CSNK2A2: variants seen among roughly 807,000 people sequenced by gnomAD.
The protein encoded by CSNK2A2 is casein kinase II subunit alpha'.
Under a neutral mutation model 54.0 loss-of-function variants are expected in CSNK2A2, and 8 were observed. The observed-to-expected ratio is 0.15, with a 90% CI of 0.09 to 0.27. The LOEUF (loss-of-function observed/expected upper bound fraction) is 0.27, where lower values mean the gene tolerates loss of function less well. Among genes scored for constraint, CSNK2A2 ranks in the 10% least tolerant of loss-of-function variants. The probability of loss-of-function intolerance (pLI) is 1.00; values close to 1 mark genes in which losing one functional copy is unlikely to be tolerated. For missense variants in CSNK2A2, 242 were observed against 439.4 expected, an observed-to-expected ratio of 0.55 and a Z score of 4.02; for synonymous variants, 141 against 153.9, an observed-to-expected ratio of 0.92 and a Z score of 0.62.
intron 4 of CSNK2A2, among the ~76,000 whole-genome samples, chr16:58,175,975 C>T (rs914005199): frequency 2.0e-5 from 3 of 152,286 alleles, no homozygotes; most frequent in African/African-American, 7.2e-5. Flanking sequence ...ATAACACACA[C>T]CCAAGCTTTT....
chr16:58,197,935 C>G lies in CSNK2A2; in HGVS notation c.-199G>C, dbSNP rs1284352616. Reference sequence around the variant, plus strand: ...GGGGGCGCGGGGGGCGCCGGCCGAGCCGGCCCGGCCCTGGAGCGGCCGGCG... The same window carrying G: ...GGGGGCGCGGGGGGCGCCGGCCGAGGCGGCCCGGCCCTGGAGCGGCCGGCG... On this transcript the variant is annotated 5_prime_UTR_variant, in exon 1 of 12. Transcript: ENST00000262506. The surrounding 1 kb of genome is among the most constrained non-coding windows in gnomAD (Gnocchi z 4.0). 7.1e-6 allele frequency: 1 copy of G among 140,376 alleles called. No homozygotes were observed. Among genetic ancestry groups the G allele is most frequent in the Admixed American group, 6.9e-5 (1 of 14,404 alleles). The allele number at this position is 140,376 out of a possible 1,614,324, so 8.7% of individuals were successfully genotyped here.
Position 58,167,187 on chromosome 16 carries a change from A to G in CSNK2A2, c.726+20T>C. Reference sequence around the variant, plus strand: ...GGCATTCACCCCCAAATAAATAAGAACCAGAAAGCATTTGCTCACCTGGTC... The same window carrying G: ...GGCATTCACCCCCAAATAAATAAGAGCCAGAAAGCATTTGCTCACCTGGTC... On this transcript the variant is annotated intron_variant, in intron 8 of 11. Coordinates refer to ENST00000262506, the MANE Select transcript of CSNK2A2 (RefSeq NM_001896.4). The G allele has an allele frequency of 6.3e-7, 1 of 1,581,520 alleles. No homozygotes were observed. The highest frequency in any genetic ancestry group is 1.1e-5 in the South Asian group (1 of 87,536).
At chr16:58,167,567 T>C in intron 7 of CSNK2A2, 118 bp downstream of exon 7, 1 of 787,546 alleles carries the variant, frequency 1.3e-6, no homozygotes, top group Non-Finnish European at 2.0e-6. Context: ...AAAATCAGCA[T>C]TTTAGGGTGA....
chr16:58,174,420 A>C (rs1281556875), intron 5 of CSNK2A2, 31 bp downstream of exon 5: 4 of 1,523,872 alleles, frequency 2.6e-6, no homozygotes, highest in Non-Finnish European at 2.7e-6. Context: ...ACAGGCCTGA[A>C]AAAAATTAAT....
chr16:58,190,602 T>G lies in CSNK2A2; in HGVS notation c.217-3746A>C, dbSNP rs575439908. ...TTCAAGTTTCATCACCCCAATTACA[T>G]GATCTACTCCTTGAGGGTAACTGTT... On this transcript the variant is annotated intron_variant, in intron 2 of 11. Coordinates refer to ENST00000262506, the MANE Select transcript of CSNK2A2 (RefSeq NM_001896.4). Among the ~76,000 whole-genome samples the G allele has an allele frequency of 1.4e-4, 22 of 152,282 alleles. No homozygotes were observed. The South Asian group carries it at 4.4e-3, about 30-fold the overall frequency.
intron 9 of CSNK2A2, 24 bp downstream of exon 9, chr16:58,166,560 A>T (rs776154879): frequency 6.7e-5 from 93 of 1,397,552 alleles, no homozygotes; most frequent in Middle Eastern, 5.4e-4. Flanking sequence ...AAGGTAAAGC[A>T]CTCTCTCTCT....
intron 5 of CSNK2A2, among the ~76,000 whole-genome samples, chr16:58,170,332 T>C (rs1449194220): frequency 6.6e-6 from 1 of 152,062 alleles, no homozygotes; most frequent in Non-Finnish European, 1.5e-5. Flanking sequence ...ACATTCATAA[T>C]ATGAAATCAT....
Position 58,165,633 on chromosome 16 carries a change from A to C in CSNK2A2, c.903T>G (p.Leu301=). 6.2e-7 allele frequency: 1 copy of C among 1,614,126 alleles called. No homozygotes were observed. The highest frequency in any genetic ancestry group is 8.5e-7 in the Non-Finnish European group (1 of 1,179,994). ...RHLVSPEALD[L]LDKLLRYDHQ... ...GGTCGTATCGCAGAAGTTTGTCCAGAAGATCTAGGGCCTCAGGGCTGACAA... is the reference window on the plus strand; with the variant it reads ...GGTCGTATCGCAGAAGTTTGTCCAGCAGATCTAGGGCCTCAGGGCTGACAA... Residue 301 remains leucine (L), a synonymous_variant, in exon 10 of 12, where the codon CTT becomes CTG. Coordinates refer to ENST00000262506, the MANE Select transcript of CSNK2A2 (RefSeq NM_001896.4).
chr16:58,185,517 A>T (rs980405356), intron 3 of CSNK2A2, among the ~76,000 whole-genome samples: 1 of 152,266 alleles, frequency 6.6e-6, no homozygotes, highest in African/African-American at 2.4e-5. Flanking sequence ...TGCTCCTGGT[A>T]TACCACATAC....
chr16:58,179,710 T>A (rs1195554433), intron 4 of CSNK2A2, among the ~76,000 whole-genome samples: 3 of 152,118 alleles, frequency 2.0e-5, no homozygotes, highest in Non-Finnish European at 4.4e-5. Flanking sequence ...TATCCAGAAG[T>A]GAGTTCCATA....
chr16:58,172,790 C>T (rs1961777428), intron 5 of CSNK2A2, among the ~76,000 whole-genome samples: 1 of 152,172 alleles, frequency 6.6e-6, no homozygotes, highest in African/African-American at 2.4e-5. Flanking sequence ...TTTCAAGTTT[C>T]ATCTGGGATT....
At chr16:58,161,560 C>T (rs1287226004) in intron 11 of CSNK2A2, 1 of 148,530 alleles carries the variant, frequency 6.7e-6, no homozygotes, top group African/African-American at 2.6e-5. Flanking sequence ...GACACACACA[C>T]AGACACACAC....
At chr16:58,170,277 C>A (rs1961698489) in intron 5 of CSNK2A2, among the ~76,000 whole-genome samples, 1 of 152,070 alleles carries the variant, frequency 6.6e-6, no homozygotes, top group African/African-American at 2.4e-5. Context: ...GCCCTGCCCA[C>A]AACCACTGAC....
intron 11 of CSNK2A2, chr16:58,162,442 TAAGAG>T (rs926918839): frequency 4.6e-5 from 7 of 152,164 alleles, no homozygotes; most frequent in Non-Finnish European, 1.0e-4. Context: ...AACTCTATAA[TAAGAG>T]AAGAGTTTCA....
intron 5 of CSNK2A2, among the ~76,000 whole-genome samples, chr16:58,172,197 A>G (rs1178948207): frequency 1.3e-5 from 2 of 150,630 alleles, no homozygotes; most frequent in East Asian, 1.9e-4. Context: ...ACTGGATATC[A>G]TCGTCCTGTG....
At chr16:58,176,499 G>A (rs542930771) in intron 4 of CSNK2A2, among the ~76,000 whole-genome samples, 63 of 152,300 alleles carry the variant, frequency 4.1e-4, no homozygotes, top group Non-Finnish European at 7.2e-4. Context: ...CGGGTAGGAG[G>A]AGACCAAACT....
rs1409016276 is a variant in CSNK2A2, at chr16:58,197,603, G to C, written c.104+30C>G. ...TGGCCGGGCGGGGGCAGGGATCAGC[G>C]GGCCCGGCGGGGGGCGGCGACGGCT... On this transcript the variant is annotated intron_variant, in intron 1 of 11. Transcript: ENST00000262506. This position sits in a 1 kb window ranked among gnomAD's most constrained non-coding sequence, Gnocchi z 4.0. 3 of 1,467,500 alleles carry C rather than the reference G, an allele frequency of 2.0e-6. No individual in the cohort carries two copies. Among genetic ancestry groups the C allele is most frequent in the Non-Finnish European group, 2.8e-6 (3 of 1,082,960 alleles). The allele number at this position is 1,467,500 out of a possible 1,614,324, so 90.9% of individuals were successfully genotyped here. A position where few individuals can be genotyped will look rare whatever the true frequency, so the allele number is the denominator to read the frequency against.
At chr16:58,183,253 T>C (rs959779737) in intron 4 of CSNK2A2, among the ~76,000 whole-genome samples, 1 of 151,678 alleles carries the variant, frequency 6.6e-6, no homozygotes, top group Non-Finnish European at 1.5e-5. Context: ...AGTGCATGCC[T>C]GTAATCTCAG....
chr16:58,167,278 A>G lies in CSNK2A2; in HGVS notation c.655T>C (p.Leu219=). ...MYDYSLDMWS[L]GCMLASMIFR... ...ATCATGCTTGCTAACATACAGCCCA[A>G]ACTCCACATGTCCAAGCTATAATCA... is the stretch of plus-strand genomic sequence containing the variant. The change falls in exon 8 of 12, where the codon TTG becomes CTG. Residue 219 remains leucine (L), a synonymous_variant. Transcript: ENST00000262506. 6.2e-7 allele frequency: 1 copy of G among 1,613,716 alleles called. No homozygotes were observed. Among genetic ancestry groups the G allele is most frequent in the South Asian group, 1.1e-5 (1 of 91,012 alleles).
Sources: gnomAD v4.1 joint callset for allele counts (sites outside exome capture counted in the v4.1 genomes callset) on GRCh38, gnomAD v4.1.1 for gene constraint, Gnocchi (gnomAD v3.1) non-coding constraint, MANE v1.5 for transcripts, NCBI Gene and HGNC (gene_info 2026-07-23, HGNC 2026-07-21) for gene names.